The following MED13 variants were observed in gnomAD, a reference collection of about 807,000 sequenced individuals.
MED13 encodes mediator of RNA polymerase II transcription subunit 13.
Under a neutral mutation model 225.2 loss-of-function variants are expected in MED13, and 23 were observed. The ratio of observed to expected loss-of-function variants is 0.10; its 90% CI spans 0.07 to 0.14. The LOEUF is 0.14. Ranked by LOEUF, MED13 falls within the 10% of genes least tolerant of loss-of-function variation. MED13 has a pLI of 1.00. For synonymous variants in MED13, 942 were observed against 889.2 expected (o/e 1.06, Z -1.06); for missense variants, 2,197 against 2,594.5 (o/e 0.85, Z 3.33).
Position 62,052,543 on chromosome 17 carries a change from T to C in MED13, c.464A>G (p.Asn155Ser). 1.3e-6 allele frequency: 2 copies of C among 1,574,600 alleles called. No individual in the cohort carries two copies. Among genetic ancestry groups the C allele is most frequent in the Non-Finnish European group, 1.7e-6 (2 of 1,161,484 alleles). The change falls in exon 3 of 30, where the codon AAT becomes AGT. Residue 155 changes from asparagine (N) to serine (S), a missense_variant. Physicochemically the swap from Asn to Ser is conservative, Grantham distance 46. This residue lies in a region of MED13 where 884 missense variants were observed against 918.5 expected (regional missense o/e 0.96). Transcript: ENST00000397786. ...AGAATTTAAGATAGCTTACCTTTTA[T>C]TTATAGGTTTTTCATCTTTTTCATA... Reference protein sequence around the residue: ...KPYEKDEKPINKSEHLSCSFT... With the variant: ...KPYEKDEKPISKSEHLSCSFT...
intron 17 of MED13, among the ~76,000 whole-genome samples, chr17:61,969,279 G>GGGGT (rs2080086064): frequency 6.6e-6 from 1 of 151,954 alleles, no homozygotes; most frequent in Middle Eastern, 3.2e-3. Context: ...TTGAACCCAG[G>GGGGT]GGGTGGAGGT....
intron 23 of MED13, among the ~76,000 whole-genome samples, chr17:61,959,627 G>C (rs1182567500): frequency 6.6e-6 from 1 of 150,858 alleles, no homozygotes; most frequent in African/African-American, 2.4e-5. Flanking sequence ...CACCATTAAA[G>C]ACCTAATAAT....
intron 3 of MED13, among the ~76,000 whole-genome samples, chr17:62,043,181 A>AAAAAAAAAG (rs2080869578): frequency 7.5e-6 from 1 of 134,040 alleles, no homozygotes; most frequent in African/African-American, 3.1e-5. Context: ...AAAAAAAAAA[A>AAAAAAAAAG]AAAGAAAGAA....
At chr17:61,967,222 A>C (rs1227419151) in intron 18 of MED13, among the ~76,000 whole-genome samples, 1 of 152,184 alleles carries the variant, frequency 6.6e-6, no homozygotes, top group African/African-American at 2.4e-5. Context: ...AGCCTTTAAA[A>C]ACCTAATATG....
intron 3 of MED13, among the ~76,000 whole-genome samples, chr17:62,038,222 C>T (rs1257144565): frequency 1.3e-5 from 2 of 151,902 alleles, no homozygotes; most frequent in Non-Finnish European, 2.9e-5. Context: ...CATAAGACCC[C>T]ATCTCCACAA....
At chr17:61,992,783 T>TC (rs2143507498) in intron 10 of MED13, among the ~76,000 whole-genome samples, 162 bp from the exon 11 acceptor site, 1 of 151,830 alleles carries the variant, frequency 6.6e-6, no homozygotes, top group South Asian at 2.1e-4. Flanking sequence ...TTATTACTTT[T>TC]TTTTGAGATG....
chr17:62,006,285 G>GA lies in MED13; in HGVS notation c.1967+4264_1967+4265insT, dbSNP rs1230235639. On this transcript the variant is annotated intron_variant, in intron 9 of 29. Transcript: ENST00000397786. The stretch of plus-strand genomic sequence containing the variant: ...CAAGGAGCAGTAAAAAAAAAAAAAA[G>GA]GGGGGGGGGAGGGAAAAAGAAAAAG... 9.8e-3 allele frequency: 627 copies of GA among 63,954 alleles called. 9 individuals are homozygous for GA. The highest frequency in any genetic ancestry group is 0.026 in the African/African-American group (599 of 23,478). The allele number at this position is 63,954 out of a possible 1,614,324, so 4.0% of individuals were successfully genotyped here.
intron 3 of MED13, among the ~76,000 whole-genome samples, chr17:62,043,742 A>T (rs962699910): frequency 3.9e-5 from 6 of 152,238 alleles, no homozygotes; most frequent in Non-Finnish European, 8.8e-5. Context: ...TTTCAAAAGC[A>T]GTACAAAAAG....
intron 24 of MED13, 34 bp downstream of exon 24, chr17:61,956,305 G>T: frequency 1.3e-6 from 2 of 1,581,800 alleles, no homozygotes; most frequent in Non-Finnish European, 1.7e-6. Context: ...TACATAAAAC[G>T]GAAATATAAA....
chr17:62,024,063 A>C (rs1378140149), intron 8 of MED13, among the ~76,000 whole-genome samples: 1 of 151,800 alleles, frequency 6.6e-6, no homozygotes, highest in Non-Finnish European at 1.5e-5. Flanking sequence ...TGCCACCAAC[A>C]CCAAAGTGCA....
chr17:61,971,332 A>G (rs2080106993), intron 17 of MED13, among the ~76,000 whole-genome samples: 1 of 149,752 alleles, frequency 6.7e-6, no homozygotes, highest in Admixed American at 6.7e-5. Flanking sequence ...GCTGGAGTAC[A>G]ATGGCGCGAT....
rs1433736896 is a variant in MED13, at chr17:62,033,842, T to C, written c.759A>G (p.Lys253=). The C allele has an allele frequency of 6.2e-7, 1 of 1,614,096 alleles. No individual in the cohort carries two copies. Residue 253 remains lysine, a synonymous_variant, in exon 5 of 30, where the codon AAA becomes AAG. Coordinates refer to ENST00000397786, the MANE Select transcript of MED13 (RefSeq NM_005121.3). ...SCCLKEMSEE[K]QEDMDWEDDS... is the part of the protein sequence containing the mutation. ...CATCTTCCCAATCCATATCTTCCTGTTTTTCTTCAGACATCTCCTTCAAGC... is the reference window on the plus strand; with the variant it reads ...CATCTTCCCAATCCATATCTTCCTGCTTTTCTTCAGACATCTCCTTCAAGC...
Position 62,063,074 on chromosome 17 carries a change from G to A in MED13, c.294C>T (p.Asp98=). 6.2e-7 allele frequency: 1 copy of A among 1,610,314 alleles called. No homozygotes were observed. Among genetic ancestry groups the A allele is most frequent in the Non-Finnish European group, 8.5e-7 (1 of 1,176,654 alleles). ...ATGGAAAGTTTCTTTCACCTGATAA[G>A]TCATGGTGAATAAGGTCAGCAAAAC... ...DPSFADLIHH[D]LSEEEDGVWE... Residue 98 remains aspartate (D), a synonymous_variant, in exon 2 of 30, where the codon GAC becomes GAT. Transcript: ENST00000397786.
rs760205065 is a variant in MED13 at position 61,984,253 on chromosome 17, C to T, written c.2806G>A (p.Glu936Lys). Residue 936 changes from glutamate to lysine, a missense_variant, in exon 15 of 30, where the codon GAG (glutamate) becomes AAG (lysine). Physicochemically the swap from Glu to Lys is moderately conservative, Grantham distance 56 (BLOSUM62 1). Transcript: ENST00000397786. ...QYLPPIKLPE[E>K]CIYRQSWTVG... is the part of the protein sequence containing the mutation. ...GTCCAACTCTGACGGTAAATACACT[C>T]TTCTGGCAATTTGATAGGGGGCAGA... 13 of 1,611,634 alleles carry T rather than the reference C, an allele frequency of 8.1e-6. No individual in the cohort carries two copies. The highest frequency in any genetic ancestry group is 3.3e-5 in the South Asian group (3 of 90,668).
chr17:61,976,868 C>T (rs2080161185), intron 16 of MED13, among the ~76,000 whole-genome samples: 2 of 152,028 alleles, frequency 1.3e-5, no homozygotes, highest in Admixed American at 1.3e-4. Flanking sequence ...GTAGGCGGAG[C>T]TTGCAGTGAG....
chr17:61,986,877 G>T, intron 12 of MED13, 130 bp downstream of exon 12: 1 of 476,588 alleles, frequency 2.1e-6, no homozygotes, highest in Non-Finnish European at 3.4e-6. Flanking sequence ...CAATGAATGA[G>T]GTTTTACTAT....
In MED13 at chr17:62,052,585, T is replaced by C. The variant is rs779104380; in HGVS notation, c.422A>G (p.Lys141Arg). 13 of 1,598,628 alleles carry C rather than the reference T, an allele frequency of 8.1e-6. No individual in the cohort carries two copies. The South Asian group carries it at 1.5e-4, about 18-fold the overall frequency. ...LMNRNFVRIG[K>R]WFVKPYEKDE... is the part of the protein sequence containing the mutation. ...TTTTTCATAAGGCTTTACAAACCAC[T>C]TGCCAATACGTACAAAATTCCTGTT... Residue 141 changes from lysine (K) to arginine (R), a missense_variant, in exon 3 of 30, where the codon AAG becomes AGG. By Grantham distance (26) the Lys-to-Arg change is conservative. Coordinates refer to ENST00000397786, the MANE Select transcript of MED13 (RefSeq NM_005121.3).
chr17:62,036,597 C>T (rs2080805862), intron 3 of MED13, among the ~76,000 whole-genome samples: 2 of 152,004 alleles, frequency 1.3e-5, no homozygotes, highest in South Asian at 4.1e-4. Context: ...TGTATAAGCC[C>T]TCTTGAATTT....
chr17:61,954,046 G>GTC (rs755091792), intron 26 of MED13, among the ~76,000 whole-genome samples: 8 of 151,860 alleles, frequency 5.3e-5, no homozygotes, highest in Admixed American at 1.3e-4. Context: ...TGTGAATGTG[G>GTC]TCTCTCTCTC....
Sources: gnomAD v4.1 joint callset for allele counts (sites outside exome capture counted in the v4.1 genomes callset) on GRCh38, gnomAD v4.1.1 for gene constraint, gnomAD v4.1.1 regional missense constraint, MANE v1.5 for transcripts, NCBI Gene and HGNC (gene_info 2026-07-23, HGNC 2026-07-21) for gene names.